SOX5: variants seen among roughly 807,000 people sequenced by gnomAD.
SOX5 encodes the protein transcription factor SOX-5.
A neutral mutation model predicts 92.0 loss-of-function variants in SOX5; 9 were observed. That is an observed-to-expected ratio of 0.10 (90% CI 0.06 to 0.17). The LOEUF is 0.17. SOX5 is among the 10% of genes least tolerant of loss of function. SOX5 has a pLI of 1.00. For synonymous variants in SOX5, 344 were observed against 336.3 expected (o/e 1.02, Z -0.25); for missense variants, 642 against 944.5 (o/e 0.68, Z 4.20).
rs190620768 is a variant in SOX5 at position 24,226,822 on chromosome 12, G to A, written c.-76-13405C>T. 1.8e-3 allele frequency among the ~76,000 whole-genome samples: 272 copies of A among 151,116 alleles called. 1 individual carries two copies. The highest frequency in any genetic ancestry group is 3.2e-3 in the Non-Finnish European group (220 of 67,902). On this transcript the variant is annotated intron_variant, in intron 3 of 4. Transcript: ENST00000446891. The stretch of plus-strand genomic sequence containing the variant: ...CAACTCTAAACTTTCTTTAAATTTA[G>A]AACTTATATTAGGGGTTTCAAAACA...
At chr12:23,651,484 A>G (rs976000511) in intron 7 of SOX5, among the ~76,000 whole-genome samples, 7 of 152,096 alleles carry the variant, frequency 4.6e-5, no homozygotes, top group African/African-American at 1.7e-4. Flanking sequence ...ATTAACATGT[A>G]TCAAACTCTT....
chr12:23,820,179 A>C (rs1219356344), intron 3 of SOX5, among the ~76,000 whole-genome samples: 4 of 152,190 alleles, frequency 2.6e-5, no homozygotes, highest in African/African-American at 9.7e-5. Flanking sequence ...TCTAATGACC[A>C]GTGATGATGA....
At chr12:24,259,776 A>G (rs1360531381) in intron 3 of SOX5, among the ~76,000 whole-genome samples, 1 of 152,238 alleles carries the variant, frequency 6.6e-6, no homozygotes, top group Non-Finnish European at 1.5e-5. Context: ...GAACAAAATA[A>G]AAGAATTTCT....
chr12:23,841,908 A>T (rs375953616), intron 3 of SOX5, among the ~76,000 whole-genome samples: 17 of 152,270 alleles, frequency 1.1e-4, no homozygotes, highest in African/African-American at 3.6e-4. Context: ...TATACATTGT[A>T]CATTTCTATG....
intron 2 of SOX5, among the ~76,000 whole-genome samples, chr12:24,352,194 T>G (rs550407664): frequency 4.1e-4 from 63 of 152,360 alleles, no homozygotes; most frequent in African/African-American, 1.4e-3. Context: ...CTAACTGGTG[T>G]TTTCACAATA....
At chr12:23,928,466 C>G (rs1370393596) in intron 1 of SOX5, among the ~76,000 whole-genome samples, 1 of 151,918 alleles carries the variant, frequency 6.6e-6, no homozygotes, top group African/African-American at 2.4e-5. Context: ...CCTTTAGTAT[C>G]ATTAGACGTA....
chr12:23,581,827 T>C (rs977292021), intron 9 of SOX5, among the ~76,000 whole-genome samples: 1 of 151,954 alleles, frequency 6.6e-6, no homozygotes, highest in Non-Finnish European at 1.5e-5. Flanking sequence ...TTTGTCTTTA[T>C]ACTCAATATA....
intron 6 of SOX5, among the ~76,000 whole-genome samples, chr12:23,716,230 A>T (rs2092484730): frequency 6.6e-6 from 1 of 152,234 alleles, no homozygotes; most frequent in South Asian, 2.1e-4. Context: ...GGTCAAAATT[A>T]ATTCAGAGAT....
chr12:24,153,344 C>T (rs1951847100), intron 4 of SOX5, among the ~76,000 whole-genome samples: 1 of 152,080 alleles, frequency 6.6e-6, no homozygotes, highest in South Asian at 2.1e-4. Context: ...TAAAGCAAGA[C>T]CAGATTTACT....
intron 14 of SOX5, 133 bp downstream of exon 14, chr12:23,536,320 T>A: frequency 1.4e-6 from 1 of 703,392 alleles, no homozygotes; most frequent in Non-Finnish European, 2.4e-6. Flanking sequence ...TGGGAGACTA[T>A]TTGTCTCTGA....
At chr12:23,685,360 A>T (rs566189687) in intron 6 of SOX5, among the ~76,000 whole-genome samples, 14 of 152,028 alleles carry the variant, frequency 9.2e-5, no homozygotes, top group East Asian at 7.7e-4. Flanking sequence ...CCACATAAAG[A>T]TACTCTCTGA....
At chr12:23,562,583 C>T (rs1375276670) in intron 11 of SOX5, among the ~76,000 whole-genome samples, 1 of 152,110 alleles carries the variant, frequency 6.6e-6, no homozygotes, top group Non-Finnish European at 1.5e-5. Context: ...ATCAACTATT[C>T]CAACAGTACA....
intron 11 of SOX5, among the ~76,000 whole-genome samples, chr12:23,551,786 T>G (rs1944269227): frequency 1.4e-5 from 2 of 146,658 alleles, no homozygotes; most frequent in Admixed American, 1.3e-4. Flanking sequence ...TAATACTGAT[T>G]TTTTTTTTTC....
chr12:23,575,858 A>G lies in SOX5; in HGVS notation c.1165-20T>C, dbSNP rs765689913. 1.3e-6 allele frequency: 2 copies of G among 1,513,156 alleles called. No individual in the cohort carries two copies. The highest frequency in any genetic ancestry group is 2.4e-5 in the East Asian group (1 of 42,382). The allele number at this position is 1,513,156 out of a possible 1,614,324, so 93.7% of individuals were successfully genotyped here. On this transcript the variant is annotated intron_variant, in intron 9 of 14. Transcript: ENST00000451604. ...TTCATCCTGCAATGATCATTAGAAC[A>G]TGAGCTGTGATAAGGAAAGGCTGAT...
chr12:24,524,174 T>C (rs1028968620), intron 1 of SOX5, among the ~76,000 whole-genome samples: 13 of 152,212 alleles, frequency 8.5e-5, no homozygotes, highest in African/African-American at 3.1e-4. Flanking sequence ...CTCAGGCCTT[T>C]GGCCTCATAC....
intron 4 of SOX5, among the ~76,000 whole-genome samples, chr12:24,145,679 T>C (rs1361442997): frequency 1.3e-5 from 2 of 152,132 alleles, no homozygotes; most frequent in African/African-American, 4.8e-5. Flanking sequence ...ATCTTTTTTG[T>C]ATTCTTTTGT....
At chr12:24,284,888 G>A (rs1378427338) in intron 2 of SOX5, among the ~76,000 whole-genome samples, 2 of 152,190 alleles carry the variant, frequency 1.3e-5, no homozygotes, top group East Asian at 1.9e-4. Flanking sequence ...ACTTCGGGAC[G>A]CTCAGTCGGG....
intron 6 of SOX5, among the ~76,000 whole-genome samples, chr12:23,710,155 G>A (rs188971791): frequency 9.9e-5 from 15 of 151,964 alleles, no homozygotes; most frequent in Non-Finnish European, 2.9e-5. Flanking sequence ...CGGTAAGAAA[G>A]AGAAAGTTCT....
At chr12:23,723,230 A>G (rs1032329950) in intron 6 of SOX5, among the ~76,000 whole-genome samples, 1 of 151,526 alleles carries the variant, frequency 6.6e-6, no homozygotes, top group Non-Finnish European at 1.5e-5. Context: ...CTCTCTCTCA[A>G]ATTGCCCCAC....
Sources: gnomAD v4.1 joint callset for allele counts (sites outside exome capture counted in the v4.1 genomes callset) on GRCh38, gnomAD v4.1.1 for gene constraint, MANE v1.5 for transcripts, NCBI Gene and HGNC (gene_info 2026-07-23, HGNC 2026-07-21) for gene names.